Variants in PCDH11X observed in about 807,000 individuals in gnomAD.
PCDH11X encodes the protein protocadherin 11 X-linked.
PCDH11X carries 18 observed loss-of-function variants against 53.3 expected under a neutral mutation model. The observed-to-expected ratio is 0.34, with a 90% CI of 0.23 to 0.50. The LOEUF (loss-of-function observed/expected upper bound fraction) is 0.50. Among genes scored for constraint, PCDH11X ranks in the 20% least tolerant of loss-of-function variants. PCDH11X has a pLI of 0.98. For synonymous variants in PCDH11X, 279 were observed against 393.3 expected (o/e 0.71, Z 3.44); for missense variants, 570 against 1,032.4 (o/e 0.55, Z 6.14).
intron 6 of PCDH11X, among the ~76,000 whole-genome samples, chrX:92,071,064 C>T (rs192074386): frequency 9.1e-6 from 1 of 109,542 alleles, no homozygotes; most frequent in East Asian, 2.9e-4. Context: ...CTTGGCCTCC[C>T]AAAGTGCTGG....
At chrX:92,575,944 TAC>T (rs1162998590) in intron 10 of PCDH11X, among the ~76,000 whole-genome samples, 23 of 19,902 alleles carry the variant, frequency 1.2e-3, no homozygotes, top group South Asian at 3.4e-3. Flanking sequence ...TATATATATA[TAC>T]ACACACACAC....
chrX:91,931,182 A>C, intron 6 of PCDH11X, among the ~76,000 whole-genome samples: 1 of 106,984 alleles, frequency 9.3e-6, no homozygotes, highest in Non-Finnish European at 1.9e-5. Context: ...TGTGTATATG[A>C]TCATTAATTT....
chrX:92,053,518 C>A (rs1466514148), intron 6 of PCDH11X, among the ~76,000 whole-genome samples: 3 of 104,543 alleles, frequency 2.9e-5, no homozygotes, highest in African/African-American at 1.1e-4. Flanking sequence ...TTTTGGGTTA[C>A]TATGTTTCAA....
chrX:92,171,546 G>T (rs1273332131), intron 6 of PCDH11X, among the ~76,000 whole-genome samples: 7 of 110,938 alleles, frequency 6.3e-5, no homozygotes, highest in Non-Finnish European at 1.9e-5. Context: ...TGTAACCTGT[G>T]CTTCCTGGGT....
chrX:92,314,841 T>A (rs2069039952), intron 8 of PCDH11X, among the ~76,000 whole-genome samples: 1 of 111,574 alleles, frequency 9.0e-6, no homozygotes, highest in Non-Finnish European at 1.9e-5. Flanking sequence ...AGGATCAAGG[T>A]TAATAACATA....
At chrX:92,113,654 G>C in intron 6 of PCDH11X, 1 of 1,200,366 alleles carries the variant, frequency 8.3e-7, no homozygotes, top group Non-Finnish European at 1.1e-6. Context: ...GTGATGGTCA[G>C]GGTTTCATAC....
chrX:91,852,726 G>A (rs1251708238), intron 5 of PCDH11X, among the ~76,000 whole-genome samples: 1 of 110,878 alleles, frequency 9.0e-6, no homozygotes, highest in Non-Finnish European at 1.9e-5. Context: ...CAGCATCTCT[G>A]GCCTCTACCA....
chrX:91,982,641 A>T, intron 6 of PCDH11X: 2 of 1,136,392 alleles, frequency 1.8e-6, no homozygotes, highest in Non-Finnish European at 2.4e-6. Flanking sequence ...AAACAATTGT[A>T]GAGTATTCAT....
At chrX:92,486,209 A>C (rs878937682) in intron 10 of PCDH11X, among the ~76,000 whole-genome samples, 1 of 111,394 alleles carries the variant, frequency 9.0e-6, no homozygotes, top group Non-Finnish European at 1.9e-5. Context: ...GAAAGTTGTA[A>C]ATTTTTTACA....
At chrX:92,276,719 C>T (rs992237329) in intron 8 of PCDH11X, among the ~76,000 whole-genome samples, 15 of 111,475 alleles carry the variant, frequency 1.3e-4, no homozygotes, top group Non-Finnish European at 2.3e-4. Context: ...CGGCCAGATT[C>T]TAATTTTTGG....
intron 6 of PCDH11X, among the ~76,000 whole-genome samples, chrX:92,103,408 AT>A (rs1472996235): frequency 2.7e-5 from 3 of 110,855 alleles, no homozygotes; most frequent in Admixed American, 1.9e-4. Flanking sequence ...CTCCGTATTG[AT>A]TAAGAAGGGG....
intron 6 of PCDH11X, among the ~76,000 whole-genome samples, chrX:92,149,430 ACTCTCTCTCT>A (rs199657624): frequency 3.7e-5 from 3 of 80,375 alleles, no homozygotes; most frequent in East Asian, 3.4e-4. Context: ...TCTTTCTCTC[ACTCTCTCTCT>A]CTCTCTCTCT....
At chrX:92,452,638 C>T (rs1490213729) in intron 9 of PCDH11X, among the ~76,000 whole-genome samples, 6 of 97,291 alleles carry the variant, frequency 6.2e-5, no homozygotes, top group African/African-American at 2.3e-4. Context: ...GCTGGGACTA[C>T]AGGCATGCCC....
At chrX:92,522,674 T>A (rs2074387240) in intron 10 of PCDH11X, among the ~76,000 whole-genome samples, 1 of 112,289 alleles carries the variant, frequency 8.9e-6, no homozygotes, top group African/African-American at 3.2e-5. Flanking sequence ...TGTTATATTA[T>A]TGTGTTTACA....
chrX:91,827,689 C>T (rs184082876), intron 4 of PCDH11X, among the ~76,000 whole-genome samples: 3 of 110,872 alleles, frequency 2.7e-5, no homozygotes, highest in African/African-American at 9.9e-5. Flanking sequence ...TGTCCCAGCC[C>T]GATTTGTTGT....
At chrX:91,986,971 T>C (rs979804636) in intron 6 of PCDH11X, among the ~76,000 whole-genome samples, 3 of 110,394 alleles carry the variant, frequency 2.7e-5, no homozygotes, top group African/African-American at 9.9e-5. Flanking sequence ...GCAAATGAAT[T>C]GGCAATGTAT....
intron 6 of PCDH11X, among the ~76,000 whole-genome samples, chrX:92,093,374 TG>T (rs1331587105): frequency 1.8e-5 from 2 of 111,547 alleles, no homozygotes. Context: ...TTTTAAATCA[TG>T]TAACCATTTC....
At chrX:91,957,126 T>G (rs913295538) in intron 6 of PCDH11X, among the ~76,000 whole-genome samples, 4 of 111,393 alleles carry the variant, frequency 3.6e-5, no homozygotes, top group Non-Finnish European at 7.5e-5. Flanking sequence ...TGTTTCTCTC[T>G]AAACTAGCTA....
intron 6 of PCDH11X, among the ~76,000 whole-genome samples, chrX:91,951,933 C>T (rs2061645472): frequency 9.0e-6 from 1 of 111,381 alleles, no homozygotes; most frequent in Non-Finnish European, 1.9e-5. Flanking sequence ...AAAGCCTACA[C>T]CTGCTCATTG....
Sources: allele counts gnomAD v4.1 joint callset (sites outside exome capture counted in the v4.1 genomes callset), GRCh38; gene constraint gnomAD v4.1.1; transcripts MANE v1.5; gene names NCBI Gene and HGNC (gene_info 2026-07-23, HGNC 2026-07-21).